The following SCN7A variants were observed in gnomAD, a reference collection of about 807,000 sequenced individuals.
SCN7A encodes the protein sodium channel protein type 7 subunit alpha.
SCN7A carries 138 observed loss-of-function variants against 155.2 expected under a neutral mutation model. The observed-to-expected ratio is 0.89, with a 90% CI of 0.77 to 1.02. The LOEUF (loss-of-function observed/expected upper bound fraction) is 1.02, where lower values mean the gene tolerates loss of function less well. SCN7A is among the 50% of genes least tolerant of loss of function. The pLI is 0.00. For missense variants in SCN7A, 2,058 were observed against 1,986.6 expected, an observed-to-expected ratio of 1.04 and a Z score of -0.68; for synonymous variants, 693 against 649.0, an observed-to-expected ratio of 1.07 and a Z score of -1.03.
chr2:166,431,581 C>G (rs541598576), intron 16 of SCN7A, among the ~76,000 whole-genome samples: 93 of 152,164 alleles, frequency 6.1e-4, no homozygotes, highest in African/African-American at 2.0e-3. Flanking sequence ...GTTACACCTC[C>G]TTCTAAAACA....
chr2:166,456,815 T>TAC lies in SCN7A; in HGVS notation c.1290+54_1290+55insGT, dbSNP rs1470356253. The TAC allele has an allele frequency of 3.2e-3, 1,464 of 453,424 alleles. 137 individuals carry two copies. The highest frequency in any genetic ancestry group is 9.0e-3 in the South Asian group (247 of 27,334). 28.1% of individuals were successfully genotyped at this position (453,424 alleles called of 1,614,324 possible). A position where few individuals can be genotyped will look rare whatever the true frequency, so the allele number is the denominator to read the frequency against. ...GTTTCAAGACTAAAATATATATATA[T>TAC]ATATATATATATATAGATAGATAGA... On this transcript the variant is annotated intron_variant, in intron 11 of 25. Coordinates refer to ENST00000643258, the MANE Select transcript of SCN7A (RefSeq NM_002976.4).
intron 10 of SCN7A, among the ~76,000 whole-genome samples, chr2:166,458,326 CAA>C (rs71395231): frequency 1.2e-3 from 121 of 97,812 alleles, no homozygotes; most frequent in African/African-American, 2.6e-3. Flanking sequence ...GACCATGTAT[CAA>C]AAAAAAAAAA....
chr2:166,449,318 G>A (rs960364211), intron 11 of SCN7A, among the ~76,000 whole-genome samples: 1 of 152,088 alleles, frequency 6.6e-6, no homozygotes, highest in African/African-American at 2.4e-5. Context: ...TTGAGGTAAA[G>A]GCTGCTCTTG....
At chr2:166,450,621 C>T (rs1702157632) in intron 11 of SCN7A, among the ~76,000 whole-genome samples, 1 of 151,992 alleles carries the variant, frequency 6.6e-6, no homozygotes, top group Admixed American at 6.6e-5. Flanking sequence ...TGGTGAAACC[C>T]CGTCTCTACT....
rs1417628212 is a variant in SCN7A, at chr2:166,465,900, A to T, written c.752T>A (p.Phe251Tyr). The change falls in exon 8 of 26, where the codon TTT becomes TAT. Residue 251 changes from phenylalanine to tyrosine, a missense_variant. By Grantham distance (22) the Phe-to-Tyr change is conservative (BLOSUM62 3). Transcript: ENST00000643258. ...IILTLFFLSIFSLIGMGLFMG... is the reference protein window; with the variant it reads ...IILTLFFLSIYSLIGMGLFMG... The stretch of plus-strand genomic sequence containing the variant: ...GAAGAGCCCCATCCCAATTAGAGAA[A>T]ATATGCTCAGAAAAAACAGAGTTAG... 1 of 1,613,798 alleles carries T rather than the reference A, an allele frequency of 6.2e-7. No homozygotes were observed. Among genetic ancestry groups the T allele is most frequent in the Non-Finnish European group, 8.5e-7 (1 of 1,179,846 alleles).
chr2:166,423,201 T>A, intron 19 of SCN7A, 58 bp downstream of exon 19: 1 of 1,516,850 alleles, frequency 6.6e-7, no homozygotes, highest in African/African-American at 1.4e-5. Flanking sequence ...AGTGAAAGAG[T>A]AAGAGTGAGG....
chr2:166,465,049 T>C (rs1025554409), intron 9 of SCN7A, among the ~76,000 whole-genome samples: 6 of 152,336 alleles, frequency 3.9e-5, no homozygotes, highest in Admixed American at 3.9e-4. Context: ...ATGGGGCCTT[T>C]GATAGGTGAT....
At chr2:166,472,746 T>C (rs1011225150) in intron 5 of SCN7A, among the ~76,000 whole-genome samples, 2 of 151,890 alleles carry the variant, frequency 1.3e-5, no homozygotes, top group Admixed American at 6.6e-5. Flanking sequence ...TTAAATTTTT[T>C]TATTACTGTA....
intron 14 of SCN7A, among the ~76,000 whole-genome samples, chr2:166,442,901 T>G (rs1701989920): frequency 6.6e-6 from 1 of 152,186 alleles, no homozygotes; most frequent in South Asian, 2.1e-4. Flanking sequence ...AAGTAACCAT[T>G]AGAATAAGAT....
rs183181719 is a variant in SCN7A at position 166,452,843 on chromosome 2, G to T, written c.1290+4027C>A. On this transcript the variant is annotated intron_variant, in intron 11 of 25. Coordinates refer to ENST00000643258, the MANE Select transcript of SCN7A (RefSeq NM_002976.4). The stretch of plus-strand genomic sequence containing the variant: ...GAACTCCTCAATAAGGATTAAACTT[G>T]AAAATTCATGATGGTACTTATCATA... Among the ~76,000 whole-genome samples the T allele has an allele frequency of 2.6e-5, 4 of 152,250 alleles. No individual in the cohort carries two copies. The East Asian group carries it at 7.7e-4, about 29-fold the overall frequency.
chr2:166,444,712 A>G (rs935758260), intron 13 of SCN7A, 50 bp downstream of exon 13: 3 of 1,068,466 alleles, frequency 2.8e-6, no homozygotes, highest in Admixed American at 4.8e-5. Flanking sequence ...GAAAAGTTCA[A>G]TGATAACTAA....
intron 5 of SCN7A, 90 bp from the exon 6 acceptor site, chr2:166,472,535 TAA>T: frequency 9.2e-7 from 1 of 1,089,778 alleles, no homozygotes; most frequent in Non-Finnish European, 1.3e-6. Context: ...AGCTGGCATT[TAA>T]GAATAAGTCA....
rs61576399 is a variant in SCN7A, at chr2:166,456,803, A to AATATAT, written c.1290+61_1290+66dup. Reference sequence around the variant, plus strand: ...TAAATGATTGCTGTTTCAAGACTAAAATATATATATATATATATATATATA... The same window carrying AATATAT: ...TAAATGATTGCTGTTTCAAGACTAAAATATATATATATATATATATATATATATATA... On this transcript the variant is annotated intron_variant, in intron 11 of 25. Transcript: ENST00000643258. 4.9e-4 allele frequency: 246 copies of AATATAT among 506,442 alleles called. 1 individual carries two copies. Among genetic ancestry groups the AATATAT allele is most frequent in the African/African-American group, 9.4e-4 (42 of 44,816 alleles). 31.4% of individuals were successfully genotyped at this position (506,442 alleles called of 1,614,324 possible). A position where few individuals can be genotyped will look rare whatever the true frequency, so the allele number is the denominator to read the frequency against.
chr2:166,427,535 A>G (rs1380807607), intron 18 of SCN7A, among the ~76,000 whole-genome samples: 1 of 152,070 alleles, frequency 6.6e-6, no homozygotes, highest in East Asian at 1.9e-4. Flanking sequence ...TGTCACTCAT[A>G]TATTTTGGAA....
chr2:166,420,053 C>A (rs1208083511), intron 20 of SCN7A, among the ~76,000 whole-genome samples: 1 of 151,792 alleles, frequency 6.6e-6, no homozygotes, highest in East Asian at 1.9e-4. Context: ...TATACATATA[C>A]AAATATAACT....
intron 11 of SCN7A, among the ~76,000 whole-genome samples, chr2:166,452,282 C>A (rs1209446233): frequency 6.6e-6 from 1 of 151,756 alleles, no homozygotes; most frequent in Non-Finnish European, 1.5e-5. Flanking sequence ...GTATTCCTCT[C>A]TTACAGTCTC....
At chr2:166,414,882 A>G (rs1371985295) in intron 21 of SCN7A, among the ~76,000 whole-genome samples, 1 of 74,550 alleles carries the variant, frequency 1.3e-5, no homozygotes, top group African/African-American at 5.4e-5. Context: ...TATATAGGAT[A>G]ATATATAATA....
intron 19 of SCN7A, 125 bp from the exon 20 acceptor site, chr2:166,421,422 T>A: frequency 6.7e-6 from 3 of 449,418 alleles, no homozygotes. Flanking sequence ...ATTCGTGAAT[T>A]ATTTTTACAT....
At position 166,494,037 on chromosome 2, in the gene SCN7A, T is replaced by G. The variant is rs1683174296; in HGVS notation, c.-197A>C. On this transcript the variant is annotated 5_prime_UTR_variant, in exon 1 of 26. Transcript: ENST00000643258. Reference sequence around the variant, plus strand: ...CAGGAGCAGGGCTCCTTGGAGCCCTTTCCTCCTCCTGGGCTTCTCTTTCTC... The same window carrying G: ...CAGGAGCAGGGCTCCTTGGAGCCCTGTCCTCCTCCTGGGCTTCTCTTTCTC... 6.6e-6 allele frequency: 1 copy of G among 152,402 alleles called. No individual in the cohort carries two copies. The highest frequency in any genetic ancestry group is 6.5e-5 in the Admixed American group (1 of 15,284). 9.4% of individuals were successfully genotyped at this position (152,402 alleles called of 1,614,324 possible).
Sources: gnomAD v4.1 joint callset for allele counts (sites outside exome capture counted in the v4.1 genomes callset) on GRCh38, gnomAD v4.1.1 for gene constraint, MANE v1.5 for transcripts, NCBI Gene and HGNC (gene_info 2026-07-23, HGNC 2026-07-21) for gene names.